WDFY4: variants seen among roughly 807,000 people sequenced by gnomAD.
WDFY4 encodes WD repeat- and FYVE domain-containing protein 4.
In WDFY4, 169 loss-of-function variants were observed where a neutral mutation model predicts 351.9. That is an observed-to-expected ratio of 0.48 (90% CI 0.42 to 0.55). WDFY4 has a LOEUF of 0.55. Among genes scored for constraint, WDFY4 ranks in the 20% least tolerant of loss-of-function variants. The probability of loss-of-function intolerance (pLI) is 0.00; values close to 1 mark genes in which losing one functional copy is unlikely to be tolerated. For synonymous variants in WDFY4, 1,622 were observed against 1,574.6 expected (o/e 1.03, Z -0.71); for missense variants, 3,803 against 3,935.6 (o/e 0.97, Z 0.90).
In WDFY4 at chr10:48,890,697, A is replaced by G; in HGVS notation, c.7286A>G (p.Asp2429Gly). ...AACTTCACACTGTCTCCCACGGGTG[A>G]TGTCTACTGTACCCGTCACTGCTTA... ...CENFTLSPTGDVYCTRHCLSN... is the reference protein window; with the variant it reads ...CENFTLSPTGGVYCTRHCLSN... Residue 2429 changes from aspartate to glycine, a missense_variant, in exon 44 of 62, where the codon GAT becomes GGT. Around this residue, in one of 3 missense-constraint regions of WDFY4, gnomAD observed 3,054 missense variants for 3,148.6 expected, o/e 0.97. Coordinates refer to ENST00000325239, the MANE Select transcript of WDFY4 (RefSeq NM_001394531.1). 1 of 1,551,638 alleles carries G rather than the reference A, an allele frequency of 6.4e-7. No homozygotes were observed. The highest frequency in any genetic ancestry group is 8.7e-7 in the Non-Finnish European group (1 of 1,146,980).
At chr10:48,735,764 A>T in intron 10 of WDFY4, 116 bp from the exon 11 acceptor site, 3 of 1,125,556 alleles carry the variant, frequency 2.7e-6, no homozygotes, top group Admixed American at 2.8e-5. Context: ...CAAAAGAGAA[A>T]CAAAAAATAG....
At chr10:48,955,696 G>C (rs149769929) in intron 51 of WDFY4, among the ~76,000 whole-genome samples, 9 of 152,338 alleles carry the variant, frequency 5.9e-5, no homozygotes, top group African/African-American at 2.2e-4. Context: ...TGAGGATTAG[G>C]AGAGATCATC....
chr10:48,904,634 A>G (rs567914922), intron 47 of WDFY4, among the ~76,000 whole-genome samples: 1 of 152,296 alleles, frequency 6.6e-6, no homozygotes, highest in African/African-American at 2.4e-5. Context: ...GATGCCCCCA[A>G]CAGCTCCAGA....
At chr10:48,787,960 CTTCTTCTTCTTCTTCTTCTTCTT>C (rs2066533214) in intron 20 of WDFY4, among the ~76,000 whole-genome samples, 8 of 126,322 alleles carry the variant, frequency 6.3e-5, no homozygotes, top group Non-Finnish European at 4.8e-5. Context: ...TCTTCTTCTT[CTTCTTCTTCTTCTTCTTCTTCTT>C]CTCCTTCTCC....
At chr10:48,868,640 G>T (rs2069643298) in intron 40 of WDFY4, among the ~76,000 whole-genome samples, 1 of 152,158 alleles carries the variant, frequency 6.6e-6, no homozygotes, top group South Asian at 2.1e-4. Context: ...CCACTGAGGG[G>T]GAAATAAGAT....
At chr10:48,757,169 C>T (rs1164307779) in intron 12 of WDFY4, among the ~76,000 whole-genome samples, 3 of 151,990 alleles carry the variant, frequency 2.0e-5, no homozygotes, top group Admixed American at 6.6e-5. Context: ...TTTGTGGCTT[C>T]GAAGAAAACC....
At chr10:48,884,675 C>T (rs767936400) in intron 43 of WDFY4, among the ~76,000 whole-genome samples, 3 of 152,206 alleles carry the variant, frequency 2.0e-5, no homozygotes, top group Non-Finnish European at 2.9e-5. Flanking sequence ...CTATAATTTC[C>T]AAAATTTCCG....
chr10:48,778,065 C>T (rs1008570103), intron 17 of WDFY4, among the ~76,000 whole-genome samples: 8 of 152,216 alleles, frequency 5.3e-5, no homozygotes, highest in East Asian at 1.9e-4. Flanking sequence ...GCTGAAAACA[C>T]GCTGGGTGGG....
chr10:48,687,466 A>G (rs1310738819), intron 1 of WDFY4, among the ~76,000 whole-genome samples: 1 of 152,126 alleles, frequency 6.6e-6, no homozygotes, highest in East Asian at 1.9e-4. Context: ...AAAAAATGTT[A>G]TAATATTACT....
chr10:48,952,489 A>G (rs1163937511), intron 51 of WDFY4, among the ~76,000 whole-genome samples: 1 of 152,228 alleles, frequency 6.6e-6, no homozygotes, highest in African/African-American at 2.4e-5. Context: ...CACGTGCAAT[A>G]GAGACAGACA....
At chr10:48,734,523 C>CATATATATATATATATATAT (rs10653287) in intron 10 of WDFY4, among the ~76,000 whole-genome samples, 222 of 144,914 alleles carry the variant, frequency 1.5e-3, no homozygotes, top group African/African-American at 5.3e-3. Flanking sequence ...ATAATATGTG[C>CATATATATATATATATATAT]ATATATATAT....
At chr10:48,804,422 G>C (rs563802042) in intron 25 of WDFY4, among the ~76,000 whole-genome samples, 1 of 152,230 alleles carries the variant, frequency 6.6e-6, no homozygotes, top group South Asian at 2.1e-4. Context: ...AGAACCAAGG[G>C]CAGCCGGGAC....
At chr10:48,794,373 A>G (rs529862134) in intron 23 of WDFY4, among the ~76,000 whole-genome samples, 1 of 152,180 alleles carries the variant, frequency 6.6e-6, no homozygotes, top group East Asian at 1.9e-4. Context: ...CAGGCCGCCG[A>G]CAGGAAGGAA....
In WDFY4 at chr10:48,742,927, C is replaced by T. The variant is rs1274817688; in HGVS notation, c.1879-41C>T. On this transcript the variant is annotated intron_variant, in intron 11 of 61. Transcript: ENST00000325239. The stretch of plus-strand genomic sequence containing the variant: ...TGTGTGTGGGCTCAGGGTTAATCTA[C>T]CTCCTGGAGTGCACTCATTTTGATT... 17 of 1,501,562 alleles carry T rather than the reference C, an allele frequency of 1.1e-5. No homozygotes were observed. In the South Asian group the frequency reaches 1.4e-4, roughly 12 times the overall value. The allele number at this position is 1,501,562 out of a possible 1,614,324, so 93.0% of individuals were successfully genotyped here. A position where few individuals can be genotyped will look rare whatever the true frequency, so the allele number is the denominator to read the frequency against.
intron 45 of WDFY4, among the ~76,000 whole-genome samples, chr10:48,898,851 G>A (rs1278130961): frequency 2.7e-5 from 4 of 150,864 alleles, no homozygotes; most frequent in Admixed American, 6.6e-5. Flanking sequence ...TGCTGGTTCT[G>A]GGCCAATCTC....
intron 27 of WDFY4, among the ~76,000 whole-genome samples, chr10:48,806,656 C>G (rs983887122): frequency 6.6e-6 from 1 of 152,206 alleles, no homozygotes; most frequent in Admixed American, 6.5e-5. Context: ...TTTCGCCTAG[C>G]CAGGTGCAGA....
chr10:48,796,492 G>T, intron 24 of WDFY4, 42 bp downstream of exon 24: 3 of 1,535,334 alleles, frequency 2.0e-6, no homozygotes, highest in Admixed American at 2.0e-5. Context: ...GAGTGTGTGT[G>T]ATGGTAAATA....
chr10:48,784,415 C>T (rs952497588), intron 19 of WDFY4, among the ~76,000 whole-genome samples: 35 of 151,470 alleles, frequency 2.3e-4, no homozygotes, highest in Admixed American at 1.3e-4. Context: ...ATTTGTATTT[C>T]CTTAGTGGCT....
intron 39 of WDFY4, among the ~76,000 whole-genome samples, chr10:48,833,166 T>TGAGAGA (rs1410407932): frequency 2.1e-4 from 27 of 131,516 alleles, no homozygotes; most frequent in Non-Finnish European, 3.3e-4. Flanking sequence ...TGTGTGTGTG[T>TGAGAGA]GTGTGTGAGA....
Sources: gnomAD v4.1 joint callset for allele counts (sites outside exome capture counted in the v4.1 genomes callset) on GRCh38, gnomAD v4.1.1 for gene constraint, gnomAD v4.1.1 regional missense constraint, MANE v1.5 for transcripts, NCBI Gene and HGNC (gene_info 2026-07-23, HGNC 2026-07-21) for gene names.